Variants in ZBTB20 observed in about 807,000 individuals in gnomAD.
ZBTB20 encodes zinc finger and BTB domain-containing protein 20.
Under a neutral mutation model 56.9 loss-of-function variants are expected in ZBTB20, and 9 were observed. That is an observed-to-expected ratio of 0.16 (90% CI 0.10 to 0.28). The LOEUF is 0.28. Among genes scored for constraint, ZBTB20 ranks in the 10% least tolerant of loss-of-function variants. ZBTB20 has a pLI of 1.00. For synonymous variants in ZBTB20, 417 were observed against 420.7 expected, an observed-to-expected ratio of 0.99 and a Z score of 0.11; for missense variants, 655 against 1,003.0, an observed-to-expected ratio of 0.65 and a Z score of 4.69.
chr3:114,770,449 TAA>T (rs775749389), intron 5 of ZBTB20, among the ~76,000 whole-genome samples: 3 of 136,430 alleles, frequency 2.2e-5, no homozygotes, highest in Non-Finnish European at 1.6e-5. Context: ...AACTCCATCT[TAA>T]AAAAAAAAAA....
chr3:114,375,023 A>G (rs1260274499), intron 10 of ZBTB20, among the ~76,000 whole-genome samples: 1 of 152,256 alleles, frequency 6.6e-6, no homozygotes, highest in Non-Finnish European at 1.5e-5. Context: ...ACATACAGAC[A>G]GCCCAAGTAA....
chr3:114,612,551 A>C (rs950348325), intron 6 of ZBTB20, among the ~76,000 whole-genome samples: 2 of 152,220 alleles, frequency 1.3e-5, no homozygotes, highest in African/African-American at 4.8e-5. Flanking sequence ...GGAACACAAT[A>C]AATATATATC....
chr3:114,339,124 G>A lies in ZBTB20; in HGVS notation c.2107C>T (p.Pro703Ser). The A allele has an allele frequency of 6.2e-7, 1 of 1,611,096 alleles. No individual in the cohort carries two copies. Among genetic ancestry groups the A allele is most frequent in the Non-Finnish European group, 8.5e-7 (1 of 1,178,046 alleles). Residue 703 changes from proline to serine, a missense_variant, in exon 12 of 12, where the codon CCC becomes TCC. Coordinates refer to ENST00000675478, the MANE Select transcript of ZBTB20 (RefSeq NM_001348800.3). This position sits in a 1 kb window ranked among gnomAD's most constrained non-coding sequence, Gnocchi z 4.2. ...TCCGTGCAGGCCACCACGCCTGGGGGGCCAGCGCGGGCACCTGGGGGTGTG... is the reference window on the plus strand; with the variant it reads ...TCCGTGCAGGCCACCACGCCTGGGGAGCCAGCGCGGGCACCTGGGGGTGTG... ...AGTPPGARAG[P>S]PGVVACTEGT...
intron 7 of ZBTB20, among the ~76,000 whole-genome samples, chr3:114,437,214 T>G (rs1432266825): frequency 6.6e-6 from 1 of 152,014 alleles, no homozygotes; most frequent in African/African-American, 2.4e-5. Flanking sequence ...CTATTGCAGT[T>G]TTTGCCCAGG....
chr3:114,949,315 G>T (rs2076984893), intron 3 of ZBTB20, among the ~76,000 whole-genome samples: 1 of 146,116 alleles, frequency 6.8e-6, no homozygotes, highest in South Asian at 2.1e-4. Flanking sequence ...AAACAATAAA[G>T]ATTCTAGAAG....
chr3:114,839,445 AAGAAAGAAAGAAAGAAAGAAAGAGAGAG>A (rs1396640398), intron 4 of ZBTB20, among the ~76,000 whole-genome samples: 8 of 151,386 alleles, frequency 5.3e-5, no homozygotes, highest in Non-Finnish European at 1.0e-4. Context: ...GAAAGAAAGA[AAGAAAGAAAGAAAGAAAGAAAGAGAGAG>A]AGAAAGAAAG....
intron 1 of ZBTB20, among the ~76,000 whole-genome samples, chr3:115,094,057 T>A (rs1474992186): frequency 6.6e-6 from 1 of 152,122 alleles, no homozygotes; most frequent in East Asian, 1.9e-4. Context: ...TCCCTTCACA[T>A]TATCTCAACT....
chr3:114,562,187 T>G (rs1016260505), intron 6 of ZBTB20, among the ~76,000 whole-genome samples: 1 of 151,228 alleles, frequency 6.6e-6, no homozygotes. Context: ...ATTTTTTTTT[T>G]TTTTTTGAGA....
At chr3:114,483,642 G>A (rs1039728806) in intron 7 of ZBTB20, among the ~76,000 whole-genome samples, 1 of 152,126 alleles carries the variant, frequency 6.6e-6, no homozygotes, top group South Asian at 2.1e-4. Context: ...AAGACTGAAC[G>A]ATATGTAAGT....
At chr3:114,427,041 T>C (rs2108861129) in intron 7 of ZBTB20, among the ~76,000 whole-genome samples, 1 of 152,298 alleles carries the variant, frequency 6.6e-6, no homozygotes. Context: ...ACATGATAGG[T>C]ATCACTAAAC....
intron 6 of ZBTB20, among the ~76,000 whole-genome samples, chr3:114,558,275 C>A (rs2051517717): frequency 6.6e-6 from 1 of 151,908 alleles, no homozygotes; most frequent in African/African-American, 2.4e-5. Context: ...TAAAATTGGC[C>A]CATATTCCCA....
intron 6 of ZBTB20, among the ~76,000 whole-genome samples, chr3:114,570,233 T>C (rs982102081): frequency 6.6e-6 from 1 of 151,954 alleles, no homozygotes; most frequent in Non-Finnish European, 1.5e-5. Context: ...TCATAGAATT[T>C]TTTTTTTAAG....
chr3:114,388,440 A>C (rs2085418119), intron 8 of ZBTB20: 1 of 152,186 alleles, frequency 6.6e-6, no homozygotes, highest in Non-Finnish European at 1.5e-5. Flanking sequence ...CGGGAACTAA[A>C]TCAACTACAC....
chr3:114,846,148 T>C (rs1252550912), intron 4 of ZBTB20, among the ~76,000 whole-genome samples: 2 of 152,136 alleles, frequency 1.3e-5, no homozygotes, highest in East Asian at 1.9e-4. Context: ...CATATACCTA[T>C]ATAATGTGTG....
At chr3:115,075,649 A>G (rs773410976) in intron 1 of ZBTB20, among the ~76,000 whole-genome samples, 1 of 152,174 alleles carries the variant, frequency 6.6e-6, no homozygotes, top group Non-Finnish European at 1.5e-5. Flanking sequence ...CATGATAAGC[A>G]CATATATGAA....
rs1302370353 is a variant in ZBTB20, at chr3:114,906,570, A to C, written c.-455-6228T>G. Among the ~76,000 whole-genome samples, 6 of 150,928 alleles carry C rather than the reference A, an allele frequency of 4.0e-5. 1 individual carries two copies. The highest frequency in any genetic ancestry group is 2.1e-4 in the South Asian group (1 of 4,816). On this transcript the variant is annotated intron_variant, in intron 3 of 11. Coordinates refer to ENST00000675478, the MANE Select transcript of ZBTB20 (RefSeq NM_001348800.3). ...ATGAGGGGGATTTTATATAATATAA[A>C]ATTTTTATATTATATAAAATTTTAT...
chr3:114,973,145 G>A (rs1238929138), intron 3 of ZBTB20, among the ~76,000 whole-genome samples: 1 of 152,152 alleles, frequency 6.6e-6, no homozygotes, highest in Admixed American at 6.5e-5. Context: ...CCTTCAGAAA[G>A]AGGTAATGAA....
intron 4 of ZBTB20, among the ~76,000 whole-genome samples, chr3:114,804,565 G>C (rs936259415): frequency 9.2e-5 from 14 of 151,966 alleles, no homozygotes; most frequent in Middle Eastern, 6.8e-3. Context: ...CCTGTTTGTG[G>C]TCAGCATAGA....
intron 4 of ZBTB20, among the ~76,000 whole-genome samples, chr3:114,842,817 T>C (rs1162763447): frequency 6.6e-6 from 1 of 152,146 alleles, no homozygotes; most frequent in Admixed American, 6.5e-5. Flanking sequence ...ATTTGCAACA[T>C]TTGATCCAAA....
Sources: gnomAD v4.1 joint callset for allele counts (sites outside exome capture counted in the v4.1 genomes callset) on GRCh38, gnomAD v4.1.1 for gene constraint, Gnocchi (gnomAD v3.1) non-coding constraint, MANE v1.5 for transcripts, NCBI Gene and HGNC (gene_info 2026-07-23, HGNC 2026-07-21) for gene names.